The following GPR158 variants were observed in gnomAD, a reference collection of about 807,000 sequenced individuals.
GPR158 encodes G protein-coupled receptor 158.
GPR158 carries 30 observed loss-of-function variants against 78.2 expected under a neutral mutation model. The observed-to-expected ratio is 0.38, with a 90% CI of 0.29 to 0.52. GPR158 has a LOEUF of 0.52. Among genes scored for constraint, GPR158 ranks in the 20% least tolerant of loss-of-function variants. The probability of loss-of-function intolerance (pLI) is 0.83; values close to 1 mark genes in which losing one functional copy is unlikely to be tolerated. For synonymous variants in GPR158, 581 were observed against 591.1 expected (o/e 0.98, Z 0.25); for missense variants, 1,463 against 1,523.5 (o/e 0.96, Z 0.66).
rs1197447281 is a variant in GPR158, at chr10:25,515,831, C to T, written c.1405-35145C>T. Among the ~76,000 whole-genome samples the T allele has an allele frequency of 3.2e-4, 48 of 149,444 alleles. No homozygotes were observed. In the East Asian group the frequency reaches 3.3e-3, roughly 10 times the overall value. ...TGTGAATAATGCCACAATAAACATA[C>T]GTGTGCATGTGTCTTTATAGCAGCA... On this transcript the variant is annotated intron_variant, in intron 5 of 10. Coordinates refer to ENST00000376351, the MANE Select transcript of GPR158 (RefSeq NM_020752.3).
chr10:25,247,717 G>A (rs1193268011), intron 2 of GPR158, among the ~76,000 whole-genome samples: 1 of 151,702 alleles, frequency 6.6e-6, no homozygotes, highest in African/African-American at 2.4e-5. Context: ...GTCTATTATT[G>A]TTGGACATTT....
At chr10:25,565,133 C>T (rs1475934618) in intron 6 of GPR158, among the ~76,000 whole-genome samples, 2 of 152,156 alleles carry the variant, frequency 1.3e-5, no homozygotes, top group African/African-American at 4.8e-5. Context: ...GCTGTATCAA[C>T]CATAAAACTT....
chr10:25,351,885 A>T (rs1458278824), intron 2 of GPR158, among the ~76,000 whole-genome samples: 1 of 151,498 alleles, frequency 6.6e-6, no homozygotes, highest in African/African-American at 2.4e-5. Context: ...ATTCTTCCTG[A>T]TGCTCTTGCT....
intron 4 of GPR158, among the ~76,000 whole-genome samples, chr10:25,444,066 T>G (rs11014564): frequency 0.19 from 28,427 of 152,092 alleles, 3,299 homozygotes; most frequent in African/African-American, 0.34. Context: ...TGCCCACTAG[T>G]TGCAAGTTGT....
intron 7 of GPR158, among the ~76,000 whole-genome samples, chr10:25,573,677 T>C (rs944272845): frequency 6.6e-6 from 1 of 152,208 alleles, no homozygotes. Context: ...AGGACAAACC[T>C]TAATTGTATT....
chr10:25,276,428 T>C (rs1854184488), intron 2 of GPR158, among the ~76,000 whole-genome samples: 1 of 152,198 alleles, frequency 6.6e-6, no homozygotes, highest in African/African-American at 2.4e-5. Flanking sequence ...GTGGAATGGG[T>C]ATAAGAATAA....
chr10:25,254,146 G>A (rs191397764), intron 2 of GPR158, among the ~76,000 whole-genome samples: 1 of 152,170 alleles, frequency 6.6e-6, no homozygotes, highest in East Asian at 1.9e-4. Flanking sequence ...TTGTACTTGG[G>A]GCTTTGGCTC....
chr10:25,338,613 A>AAG, intron 2 of GPR158, among the ~76,000 whole-genome samples: 2 of 146,816 alleles, frequency 1.4e-5, no homozygotes, highest in South Asian at 4.2e-4. Flanking sequence ...TATATAAAAA[A>AAG]TCATATAAAT....
intron 2 of GPR158, chr10:25,393,980 T>C (rs1272471244): frequency 6.6e-6 from 1 of 152,230 alleles, no homozygotes; most frequent in East Asian, 1.9e-4. Flanking sequence ...AACTTCATAC[T>C]AGTTTATCAA....
chr10:25,384,459 C>T (rs1218307491), intron 2 of GPR158, among the ~76,000 whole-genome samples: 1 of 151,970 alleles, frequency 6.6e-6, no homozygotes, highest in East Asian at 1.9e-4. Context: ...TCACAGTGTT[C>T]AGAAGAAGAT....
chr10:25,575,542 A>G (rs1441696957), intron 7 of GPR158, among the ~76,000 whole-genome samples: 1 of 152,098 alleles, frequency 6.6e-6, no homozygotes, highest in Admixed American at 6.5e-5. Context: ...GAGCTCAGCA[A>G]TCTGTGTTTC....
chr10:25,523,947 A>T (rs1282295997), intron 5 of GPR158, among the ~76,000 whole-genome samples: 1 of 152,198 alleles, frequency 6.6e-6, no homozygotes, highest in Non-Finnish European at 1.5e-5. Context: ...GAATGCACAA[A>T]AAAAAGATCT....
intron 2 of GPR158, among the ~76,000 whole-genome samples, chr10:25,337,756 C>G (rs534538538): frequency 1.3e-5 from 2 of 152,008 alleles, no homozygotes; most frequent in African/African-American, 4.8e-5. Flanking sequence ...CTTCTAACAG[C>G]CATATATGAA....
At chr10:25,533,395 T>C (rs140684767) in intron 5 of GPR158, among the ~76,000 whole-genome samples, 118 of 152,296 alleles carry the variant, frequency 7.7e-4, no homozygotes, top group Admixed American at 1.5e-3. Context: ...TGGACTTATA[T>C]ATATTTTAAA....
Position 25,412,482 on chromosome 10 carries a change from A to G in GPR158, c.1335+9A>G, listed in dbSNP as rs1441825187. 1 of 1,592,976 alleles carries G rather than the reference A, an allele frequency of 6.3e-7. No homozygotes were observed. Among genetic ancestry groups the G allele is most frequent in the African/African-American group, 1.3e-5 (1 of 74,708 alleles). ...ACTTTCGCAAAGCAAAGGTAAACCC[A>G]GGAACCCTGGTTATGATCCTGTATT... On this transcript the variant is annotated intron_variant, in intron 4 of 10. Coordinates refer to ENST00000376351, the MANE Select transcript of GPR158 (RefSeq NM_020752.3).
chr10:25,249,316 C>T (rs1853754509), intron 2 of GPR158, among the ~76,000 whole-genome samples: 1 of 152,164 alleles, frequency 6.6e-6, no homozygotes, highest in East Asian at 1.9e-4. Flanking sequence ...CTTCTCCTGC[C>T]TAATCGCCCT....
At chr10:25,278,383 A>G (rs560594187) in intron 2 of GPR158, among the ~76,000 whole-genome samples, 105 of 152,288 alleles carry the variant, frequency 6.9e-4, no homozygotes, top group African/African-American at 2.4e-3. Flanking sequence ...AATGCAAAAT[A>G]TAGAGGAATA....
At chr10:25,392,280 G>A (rs1001591696) in intron 2 of GPR158, among the ~76,000 whole-genome samples, 1 of 152,190 alleles carries the variant, frequency 6.6e-6, no homozygotes, top group African/African-American at 2.4e-5. Context: ...TGCAGCTGGT[G>A]TGCCTTGCTG....
chr10:25,195,060 A>C (rs1040000826), intron 1 of GPR158, among the ~76,000 whole-genome samples: 5 of 151,998 alleles, frequency 3.3e-5, no homozygotes, highest in Admixed American at 2.6e-4. Flanking sequence ...TTTCTAGATC[A>C]CTTGCTTAAA....
Sources: allele counts gnomAD v4.1 joint callset (sites outside exome capture counted in the v4.1 genomes callset), GRCh38; gene constraint gnomAD v4.1.1; transcripts MANE v1.5; gene names NCBI Gene and HGNC (gene_info 2026-07-23, HGNC 2026-07-21).